MYCT1: variants seen among roughly 807,000 people sequenced by gnomAD.
The protein encoded by MYCT1 is myc target protein 1.
MYCT1 carries 12 observed loss-of-function variants against 15.0 expected under a neutral mutation model. The observed-to-expected ratio is 0.80, with a 90% CI of 0.51 to 1.29. The LOEUF is 1.29. Among genes scored for constraint, MYCT1 ranks in the 50% most tolerant of loss-of-function variants. The pLI is 0.00. For missense variants in MYCT1, 287 were observed against 279.1 expected, an observed-to-expected ratio of 1.03 and a Z score of -0.20; for synonymous variants, 104 against 102.7, an observed-to-expected ratio of 1.01 and a Z score of -0.07.
At chr6:152,744,436 C>A in the MYCT1 span, among the ~76,000 whole-genome samples, 1 of 136,014 alleles carries the variant, frequency 7.4e-6, no homozygotes, top group African/African-American at 3.5e-5. Context: ...CCAGGAAGGA[C>A]TCAAGGCTCT....
At chr6:152,735,034 C>T in the MYCT1 span, among the ~76,000 whole-genome samples, 5 of 152,102 alleles carry the variant, frequency 3.3e-5, no homozygotes. Context: ...GGTAATGCTG[C>T]TGAAAGAAGG....
the MYCT1 span, among the ~76,000 whole-genome samples, chr6:152,734,235 G>T: frequency 2.0e-5 from 3 of 152,058 alleles, no homozygotes; most frequent in Non-Finnish European, 4.4e-5. Context: ...ATGGTTAAAA[G>T]GTTCCCACAT....
chr6:152,732,003 G>A, the MYCT1 span, among the ~76,000 whole-genome samples: 1 of 152,148 alleles, frequency 6.6e-6, no homozygotes, highest in African/African-American at 2.4e-5. Flanking sequence ...AGTGAAGGAT[G>A]CAAAAGAATA....
At chr6:152,705,114 G>A (rs1040032822) in intron 1 of MYCT1, among the ~76,000 whole-genome samples, 1 of 152,132 alleles carries the variant, frequency 6.6e-6, no homozygotes, top group Admixed American at 6.6e-5. Context: ...GTCCATTTAC[G>A]ATGGGGTTAT....
At chr6:152,732,610 T>G in the MYCT1 span, among the ~76,000 whole-genome samples, 1 of 152,240 alleles carries the variant, frequency 6.6e-6, no homozygotes, top group African/African-American at 2.4e-5. Context: ...TCTTTTAATT[T>G]TGAAATTAGT....
chr6:152,717,269 G>C (rs1014273095), intron 1 of MYCT1, among the ~76,000 whole-genome samples: 4 of 152,126 alleles, frequency 2.6e-5, no homozygotes, highest in Admixed American at 6.6e-5. Flanking sequence ...TTGCTGTTTG[G>C]ACTTAAGGGA....
Position 152,722,760 on chromosome 6 carries a change from C to T in MYCT1, c.*507C>T. On this transcript the variant is annotated 3_prime_UTR_variant, in exon 2 of 2. Transcript: ENST00000367245. ...ATTTTTCTTTTTTTTTCTTTTGAGA[C>T]AGGGTCTTGATCCGTCGCCCAGGCG... 2.4e-6 allele frequency: 1 copy of T among 409,620 alleles called. No individual in the cohort carries two copies. The highest frequency in any genetic ancestry group is 1.8e-5 in the South Asian group (1 of 56,684). The allele number at this position is 409,620 out of a possible 1,614,324, so 25.4% of individuals were successfully genotyped here. A position where few individuals can be genotyped will look rare whatever the true frequency, so the allele number is the denominator to read the frequency against.
the MYCT1 span, among the ~76,000 whole-genome samples, chr6:152,733,605 C>T: frequency 4.6e-5 from 7 of 152,132 alleles, no homozygotes; most frequent in African/African-American, 1.7e-4. Flanking sequence ...CAAGAAGTTG[C>T]TAGTCAGGTC....
Position 152,721,873 on chromosome 6 carries a change from A to G in MYCT1, c.328A>G (p.Arg110Gly). ...TCCCATCTCACAGTGGAGTTCAAGC[A>G]GGAGATCTAGGTCTTCTTACACCCA... ...SAPISQWSSSRRSRSSYTHGL... is the reference protein window; with the variant it reads ...SAPISQWSSSGRSRSSYTHGL... The change falls in exon 2 of 2, where the codon AGG becomes GGG. Residue 110 changes from arginine (R) to glycine (G), a missense_variant. Transcript: ENST00000367245. The G allele has an allele frequency of 6.2e-7, 1 of 1,614,072 alleles. No homozygotes were observed. The highest frequency in any genetic ancestry group is 8.5e-7 in the Non-Finnish European group (1 of 1,180,000).
At chr6:152,703,684 A>T (rs1232212216) in intron 1 of MYCT1, among the ~76,000 whole-genome samples, 1 of 152,126 alleles carries the variant, frequency 6.6e-6, no homozygotes, top group African/African-American at 2.4e-5. Flanking sequence ...TCATAACAGA[A>T]CCTTTGTAGA....
rs115179966 is a variant in MYCT1 at position 152,719,052 on chromosome 6, T to A, written c.197-2690T>A. On this transcript the variant is annotated intron_variant, in intron 1 of 1. Transcript: ENST00000367245. ...TAAATCAAGTGTTAATTCTACCACA[T>A]GAACCTTAGCTTCTGTTTCAATATC... Among the ~76,000 whole-genome samples the A allele has an allele frequency of 6.0e-3, 918 of 152,304 alleles. 7 individuals are homozygous for A. The highest frequency in any genetic ancestry group is 0.021 in the African/African-American group (856 of 41,574).
intron 1 of MYCT1, among the ~76,000 whole-genome samples, chr6:152,718,030 G>T (rs2099724051): frequency 1.3e-5 from 2 of 151,696 alleles, no homozygotes; most frequent in East Asian, 1.9e-4. Context: ...CCCAATATTT[G>T]ATGACATTTT....
chr6:152,702,081 T>C (rs2099721420), intron 1 of MYCT1, among the ~76,000 whole-genome samples: 2 of 152,072 alleles, frequency 1.3e-5, no homozygotes, highest in Admixed American at 6.5e-5. Context: ...CCCTAATCAA[T>C]CTGTAGCTCA....
chr6:152,698,784 G>A (rs2099720849), intron 1 of MYCT1, among the ~76,000 whole-genome samples: 2 of 152,120 alleles, frequency 1.3e-5, no homozygotes, highest in South Asian at 2.1e-4. Context: ...GGGGTTGGGG[G>A]GAAAGAACAA....
the MYCT1 span, among the ~76,000 whole-genome samples, chr6:152,741,233 GAGTGA>G: frequency 6.6e-6 from 1 of 152,152 alleles, no homozygotes; most frequent in Non-Finnish European, 1.5e-5. Flanking sequence ...CTTTGCTTTT[GAGTGA>G]AGTGAAGATT....
chr6:152,707,323 A>G (rs1444527686), intron 1 of MYCT1, among the ~76,000 whole-genome samples: 1 of 151,956 alleles, frequency 6.6e-6, no homozygotes, highest in Admixed American at 6.6e-5. Context: ...ATGTCTATTC[A>G]GGTCCTTTGC....
At chr6:152,714,305 C>CTTT (rs5880998) in intron 1 of MYCT1, among the ~76,000 whole-genome samples, 1 of 120,034 alleles carries the variant, frequency 8.3e-6, no homozygotes, top group African/African-American at 3.1e-5. Flanking sequence ...TTTTCTTTTT[C>CTTT]TTTTTTTTTT....
intron 1 of MYCT1, among the ~76,000 whole-genome samples, chr6:152,702,577 C>CT (rs1293427529): frequency 6.6e-6 from 1 of 152,070 alleles, no homozygotes; most frequent in Non-Finnish European, 1.5e-5. Context: ...AAATACTGTT[C>CT]TTTAGCCTGT....
At chr6:152,741,925 A>G in the MYCT1 span, among the ~76,000 whole-genome samples, 6 of 152,214 alleles carry the variant, frequency 3.9e-5, no homozygotes, top group Non-Finnish European at 8.8e-5. Flanking sequence ...TTTATTTGAG[A>G]ATAGGAAAGA....
Sources: gnomAD v4.1 joint callset for allele counts (sites outside exome capture counted in the v4.1 genomes callset) on GRCh38, gnomAD v4.1.1 for gene constraint, MANE v1.5 for transcripts, NCBI Gene and HGNC (gene_info 2026-07-23, HGNC 2026-07-21) for gene names.